The following SUMF1 variants were observed in gnomAD, a reference collection of about 807,000 sequenced individuals.
The protein encoded by SUMF1 is sulfatase modifying factor 1, also known as formylglycine-generating enzyme.
Under a neutral mutation model 47.6 loss-of-function variants are expected in SUMF1, and 48 were observed. The ratio of observed to expected loss-of-function variants is 1.01; its 90% confidence interval spans 0.80 to 1.28. SUMF1 has a LOEUF of 1.28. Ranked by LOEUF, SUMF1 falls within the 50% of genes most tolerant of loss-of-function variation. SUMF1 has a pLI of 0.00. For synonymous variants in SUMF1, 230 were observed against 192.1 expected (o/e 1.20, Z -1.63); for missense variants, 571 against 485.4 (o/e 1.18, Z -1.66).
intron 8 of SUMF1, among the ~76,000 whole-genome samples, chr3:4,325,537 G>GTGTATATA (rs1225198786): frequency 6.6e-6 from 1 of 150,972 alleles, no homozygotes; most frequent in Non-Finnish European, 1.5e-5. Flanking sequence ...GTGTGTGTGT[G>GTGTATATA]TGTATATATG....
intron 8 of SUMF1, among the ~76,000 whole-genome samples, chr3:4,162,259 C>T (rs1694594708): frequency 6.6e-6 from 1 of 152,200 alleles, no homozygotes; most frequent in African/African-American, 2.4e-5. Context: ...GAGCAGCAAG[C>T]TGCGCTACCT....
chr3:4,353,573 T>C (rs1699554991), intron 8 of SUMF1, among the ~76,000 whole-genome samples: 1 of 152,186 alleles, frequency 6.6e-6, no homozygotes. Flanking sequence ...CATAAAAATA[T>C]ACAAGCTCAT....
chr3:4,376,916 C>T (rs1184404969), intron 7 of SUMF1, among the ~76,000 whole-genome samples: 1 of 152,116 alleles, frequency 6.6e-6, no homozygotes, highest in African/African-American at 2.4e-5. Context: ...CCTCCTCAGC[C>T]TCCCAAGTAG....
At chr3:4,260,024 T>TAC (rs1161906183) in intron 8 of SUMF1, among the ~76,000 whole-genome samples, 1 of 140,964 alleles carries the variant, frequency 7.1e-6, no homozygotes, top group Non-Finnish European at 1.6e-5. Flanking sequence ...AGAAAAAGGA[T>TAC]AAAAAAAAAA....
At chr3:4,318,299 G>A (rs1041949605) in intron 8 of SUMF1, among the ~76,000 whole-genome samples, 11 of 151,824 alleles carry the variant, frequency 7.2e-5, no homozygotes, top group Non-Finnish European at 1.3e-4. Flanking sequence ...TTTAACATAC[G>A]AAAATCAGTA....
intron 9 of SUMF1, among the ~76,000 whole-genome samples, chr3:4,051,305 G>C (rs147160251): frequency 4.3e-4 from 66 of 152,070 alleles, no homozygotes; most frequent in African/African-American, 1.4e-3. Flanking sequence ...TGAGCATAGG[G>C]CCTGGTGCAG....
At chr3:4,333,564 G>T (rs1443137877) in intron 8 of SUMF1, among the ~76,000 whole-genome samples, 1 of 152,040 alleles carries the variant, frequency 6.6e-6, no homozygotes, top group African/African-American at 2.4e-5. Flanking sequence ...CCAAATACTG[G>T]GTCCCCAAAA....
At chr3:4,318,528 T>C (rs556431974) in intron 8 of SUMF1, among the ~76,000 whole-genome samples, 5 of 152,298 alleles carry the variant, frequency 3.3e-5, no homozygotes, top group African/African-American at 9.6e-5. Context: ...TCCTAAGATA[T>C]GGAACAAGAA....
chr3:4,413,872 A>AT (rs898307185), intron 6 of SUMF1, among the ~76,000 whole-genome samples: 2 of 151,276 alleles, frequency 1.3e-5, no homozygotes, highest in East Asian at 3.9e-4. Flanking sequence ...CAAAAAAAAA[A>AT]TTTTTTTTTA....
chr3:4,243,305 C>G (rs976518064), intron 8 of SUMF1, among the ~76,000 whole-genome samples: 6 of 152,080 alleles, frequency 3.9e-5, no homozygotes. Context: ...CTTCTGCTAG[C>G]TTTTGAATTT....
At chr3:4,176,718 G>A (rs112442825) in intron 8 of SUMF1, among the ~76,000 whole-genome samples, 240 of 152,184 alleles carry the variant, frequency 1.6e-3, no homozygotes, top group African/African-American at 5.4e-3. Context: ...TGGGCTAAAT[G>A]CCCCCATTAA....
At chr3:4,413,496 A>C (rs1701610896) in intron 6 of SUMF1, among the ~76,000 whole-genome samples, 1 of 152,138 alleles carries the variant, frequency 6.6e-6, no homozygotes. Flanking sequence ...ACCATAGGTG[A>C]GTATGCCACT....
At chr3:4,284,835 A>G (rs573944967) in intron 8 of SUMF1, among the ~76,000 whole-genome samples, 1 of 152,210 alleles carries the variant, frequency 6.6e-6, no homozygotes, top group Non-Finnish European at 1.5e-5. Flanking sequence ...GCTAAGATAA[A>G]GGGATTATTT....
chr3:4,345,954 G>A (rs1280287607), intron 8 of SUMF1, among the ~76,000 whole-genome samples: 1 of 152,122 alleles, frequency 6.6e-6, no homozygotes, highest in Admixed American at 6.5e-5. Context: ...ATGGTAAAGG[G>A]ATCAATGCAA....
chr3:4,311,388 A>G (rs969127041), intron 8 of SUMF1, among the ~76,000 whole-genome samples: 2 of 152,168 alleles, frequency 1.3e-5, no homozygotes, highest in African/African-American at 2.4e-5. Flanking sequence ...TCTATCCCCA[A>G]TGAAAGGCCG....
intron 8 of SUMF1, among the ~76,000 whole-genome samples, chr3:4,339,787 A>G (rs1036858152): frequency 2.0e-5 from 3 of 152,122 alleles, no homozygotes; most frequent in Non-Finnish European, 4.4e-5. Context: ...TTTTTGAAAC[A>G]CTGACTGGGC....
At chr3:4,055,001 A>C (rs959313054) in intron 9 of SUMF1, among the ~76,000 whole-genome samples, 1 of 152,160 alleles carries the variant, frequency 6.6e-6, no homozygotes, top group African/African-American at 2.4e-5. Flanking sequence ...CCTGACTCAG[A>C]TGCCTTACAA....
intron 7 of SUMF1, among the ~76,000 whole-genome samples, chr3:4,381,882 C>CA (rs1344571378): frequency 1.3e-5 from 2 of 152,096 alleles, no homozygotes; most frequent in Non-Finnish European, 1.5e-5. Context: ...CTCATCTCTA[C>CA]AAAAAATACA....
chr3:4,316,725 T>G, intron 8 of SUMF1: 2 of 1,550,886 alleles, frequency 1.3e-6, no homozygotes, highest in Non-Finnish European at 1.7e-6. Flanking sequence ...AGCTCAGTGG[T>G]TGGATCAAGA....
Sources: allele counts gnomAD v4.1 joint callset (sites outside exome capture counted in the v4.1 genomes callset), GRCh38; gene constraint gnomAD v4.1.1; transcripts MANE v1.5; gene names NCBI Gene and HGNC (gene_info 2026-07-23, HGNC 2026-07-21).